Variants in SPAG6 observed in about 807,000 individuals in gnomAD.
SPAG6 encodes sperm-associated antigen 6.
Under a neutral mutation model 58.5 loss-of-function variants are expected in SPAG6, and 49 were observed. That is an observed-to-expected ratio of 0.84 (90% CI 0.67 to 1.06). SPAG6 has a LOEUF of 1.06. SPAG6 is among the 50% of genes least tolerant of loss of function. The pLI is 0.00. For missense variants in SPAG6, 560 were observed against 611.3 expected (o/e 0.92, Z 0.89); for synonymous variants, 233 against 225.6 (o/e 1.03, Z -0.29).
chr10:22,411,114 T>C lies in SPAG6; in HGVS notation c.1398T>C (p.Pro466=). The C allele has an allele frequency of 1.9e-6, 3 of 1,614,040 alleles. No homozygotes were observed. The highest frequency in any genetic ancestry group is 1.7e-6 in the Non-Finnish European group (2 of 1,179,892). ...LKKVQEIKAE[P]GSLLQEYINS... ...AAGTTCAAGAGATAAAAGCAGAACC[T>C]GGTTCTCTCCTTCAAGAATACATCA... The change falls in exon 10 of 11, where the codon CCT becomes CCC. Residue 466 remains proline (P), a synonymous_variant. Transcript: ENST00000376624.
intron 2 of SPAG6, among the ~76,000 whole-genome samples, chr10:22,358,089 G>T (rs1175868611): frequency 6.6e-6 from 1 of 151,816 alleles, no homozygotes; most frequent in African/African-American, 2.4e-5. Context: ...TAGTCCTTTG[G>T]GTATATACCC....
chr10:22,365,047 G>T, intron 3 of SPAG6, 28 bp downstream of exon 3: 1 of 1,515,776 alleles, frequency 6.6e-7, no homozygotes, highest in East Asian at 2.4e-5. Flanking sequence ...CTAGTTATAT[G>T]TTTTTTTGTT....
At chr10:22,375,181 G>A (rs549080834) in intron 4 of SPAG6, among the ~76,000 whole-genome samples, 39 of 152,292 alleles carry the variant, frequency 2.6e-4, no homozygotes, top group African/African-American at 9.1e-4. Context: ...CCAGTCACTG[G>A]CGTATAAATC....
At chr10:22,346,440 T>TTCTTCTTC (rs1564357164) in intron 2 of SPAG6, among the ~76,000 whole-genome samples, 1 of 127,210 alleles carries the variant, frequency 7.9e-6, no homozygotes, top group Non-Finnish European at 1.6e-5. Flanking sequence ...GTTCTTCTTC[T>TTCTTCTTC]TCTTCTTCTT....
chr10:22,368,824 C>T (rs936932065), intron 4 of SPAG6, 146 bp downstream of exon 4: 3 of 561,332 alleles, frequency 5.3e-6, no homozygotes, highest in Non-Finnish European at 9.0e-6. Flanking sequence ...TGAATGATGG[C>T]CAAGTTGTTT....
chr10:22,349,528 G>C (rs1413405405), intron 2 of SPAG6, among the ~76,000 whole-genome samples: 1 of 152,134 alleles, frequency 6.6e-6, no homozygotes, highest in Non-Finnish European at 1.5e-5. Flanking sequence ...GGAACACCAG[G>C]CCACTTTTAG....
intron 7 of SPAG6, among the ~76,000 whole-genome samples, chr10:22,390,262 T>C (rs923926294): frequency 2.6e-5 from 4 of 152,202 alleles, no homozygotes; most frequent in Non-Finnish European, 5.9e-5. Flanking sequence ...AGGATGTTAC[T>C]AGGTTTTTGA....
intron 4 of SPAG6, among the ~76,000 whole-genome samples, chr10:22,381,461 T>A (rs187104972): frequency 1.5e-4 from 23 of 151,254 alleles, no homozygotes; most frequent in Non-Finnish European, 3.4e-4. Flanking sequence ...CTGCCCCTTG[T>A]AGATGGTCCC....
intron 4 of SPAG6, among the ~76,000 whole-genome samples, chr10:22,371,058 G>A (rs891317817): frequency 6.6e-6 from 1 of 152,064 alleles, no homozygotes; most frequent in Non-Finnish European, 1.5e-5. Flanking sequence ...CAAATTCTTG[G>A]TATAATCTGG....
chr10:22,403,483 C>T (rs1247239011), intron 9 of SPAG6, among the ~76,000 whole-genome samples: 1 of 152,220 alleles, frequency 6.6e-6, no homozygotes, highest in African/African-American at 2.4e-5. Context: ...TTTATGGCTT[C>T]ATACTATTCC....
chr10:22,397,935 A>G (rs1834333645), intron 8 of SPAG6, among the ~76,000 whole-genome samples: 1 of 152,156 alleles, frequency 6.6e-6, no homozygotes, highest in Non-Finnish European at 1.5e-5. Flanking sequence ...TGTGGAAATG[A>G]AAAGAACCCA....
intron 9 of SPAG6, among the ~76,000 whole-genome samples, chr10:22,407,069 G>T (rs1834576523): frequency 6.6e-6 from 1 of 152,098 alleles, no homozygotes; most frequent in South Asian, 2.1e-4. Context: ...ATAGCACACT[G>T]ATGTGTCTTG....
At chr10:22,373,261 A>G (rs1241775400) in intron 4 of SPAG6, among the ~76,000 whole-genome samples, 4 of 152,176 alleles carry the variant, frequency 2.6e-5, no homozygotes, top group Non-Finnish European at 5.9e-5. Flanking sequence ...TTTACTAGAT[A>G]GATAATGTAA....
At chr10:22,348,333 T>C (rs1210721785) in intron 2 of SPAG6, among the ~76,000 whole-genome samples, 2 of 152,194 alleles carry the variant, frequency 1.3e-5, no homozygotes, top group African/African-American at 4.8e-5. Flanking sequence ...TTTTAAAAAA[T>C]TACAATTTTA....
Position 22,345,775 on chromosome 10 carries a change from G to A in SPAG6, c.78G>A (p.Glu26=). The part of the protein sequence containing the change: ...ARTQFVQMVA[E]LATRPQNIET... ...CCCAGTTCGTGCAGATGGTGGCGGA[G>A]CTGGCGACTAGACCCCAAAACATCG... The change falls in exon 2 of 11, where the codon GAG becomes GAA. Residue 26 remains glutamate, a synonymous_variant. Transcript: ENST00000376624. This position sits in a 1 kb window ranked among gnomAD's most constrained non-coding sequence, Gnocchi z 6.3. 3 of 1,613,766 alleles carry A rather than the reference G, an allele frequency of 1.9e-6. No individual in the cohort carries two copies. Among genetic ancestry groups the A allele is most frequent in the Non-Finnish European group, 2.5e-6 (3 of 1,179,866 alleles).
intron 4 of SPAG6, among the ~76,000 whole-genome samples, chr10:22,378,944 A>C (rs570745757): frequency 2.0e-5 from 3 of 152,312 alleles, no homozygotes; most frequent in Admixed American, 1.3e-4. Flanking sequence ...AAGGAGCCAG[A>C]ATTATTTCGC....
intron 5 of SPAG6, among the ~76,000 whole-genome samples, chr10:22,387,334 C>T (rs1279116354): frequency 6.6e-6 from 1 of 152,068 alleles, no homozygotes; most frequent in Non-Finnish European, 1.5e-5. Flanking sequence ...TTTCTAAAAT[C>T]TGATTTTTAG....
At chr10:22,347,491 A>G (rs1218910617) in intron 2 of SPAG6, among the ~76,000 whole-genome samples, 2 of 152,212 alleles carry the variant, frequency 1.3e-5, no homozygotes, top group Non-Finnish European at 2.9e-5. Flanking sequence ...GACATTTACT[A>G]CTTAACAAAG....
In SPAG6 at chr10:22,389,149, C is replaced by G. The variant is rs754730550; in HGVS notation, c.853-11C>G. ...GGTCCTGGTGATCTAACTCTTGTTC[C>G]CATCGCTTAGCTTTCACAGCTGGTA... is the stretch of plus-strand genomic sequence containing the variant. On this transcript the variant is annotated splice_polypyrimidine_tract_variant and intron_variant, in intron 6 of 10. Coordinates refer to ENST00000376624, the MANE Select transcript of SPAG6 (RefSeq NM_012443.4). 9.9e-6 allele frequency: 16 copies of G among 1,612,052 alleles called. No homozygotes were observed. In the South Asian group the frequency reaches 1.8e-4, roughly 18 times the overall value.
Sources: gnomAD v4.1 joint callset for allele counts (sites outside exome capture counted in the v4.1 genomes callset) on GRCh38, gnomAD v4.1.1 for gene constraint, Gnocchi (gnomAD v3.1) non-coding constraint, MANE v1.5 for transcripts, NCBI Gene and HGNC (gene_info 2026-07-23, HGNC 2026-07-21) for gene names.